Variants in DZANK1 observed in about 807,000 individuals in gnomAD.
The protein encoded by DZANK1 is double zinc ribbon and ankyrin repeat domains 1.
In DZANK1, 91 loss-of-function variants were observed where a neutral mutation model predicts 94.5. The observed-to-expected ratio is 0.96, with a 90% CI of 0.81 to 1.15. The LOEUF is 1.15. Ranked by LOEUF, DZANK1 falls within the 50% of genes most tolerant of loss-of-function variation. The pLI is 0.00. For missense variants in DZANK1, 903 were observed against 916.4 expected, an observed-to-expected ratio of 0.99 and a Z score of 0.19; for synonymous variants, 312 against 325.3, an observed-to-expected ratio of 0.96 and a Z score of 0.44.
intron 9 of DZANK1, 104 bp from the exon 10 acceptor site, chr20:18,427,263 T>A: frequency 2.7e-6 from 2 of 746,280 alleles, no homozygotes; most frequent in Non-Finnish European, 4.3e-6. Context: ...CAGGCCCTAT[T>A]ACTGCACCCA....
chr20:18,427,042 G>A (rs764140748), intron 10 of DZANK1, 25 bp downstream of exon 10: 1 of 1,538,468 alleles, frequency 6.5e-7, no homozygotes, highest in Non-Finnish European at 9.0e-7. Flanking sequence ...ACTAAATATA[G>A]GATTGGCACA....
At chr20:18,398,495 T>G in intron 14 of DZANK1, 28 bp downstream of exon 14, 1 of 1,606,086 alleles carries the variant, frequency 6.2e-7, no homozygotes, top group Non-Finnish European at 8.5e-7. Flanking sequence ...CGTGGACACT[T>G]GTGGAGTGGA....
intron 13 of DZANK1, among the ~76,000 whole-genome samples, chr20:18,400,937 T>C (rs967502859): frequency 2.6e-5 from 4 of 152,156 alleles, no homozygotes; most frequent in African/African-American, 9.7e-5. Context: ...ACAATAGATC[T>C]ATACTTCTTT....
In DZANK1 at chr20:18,387,245, C is replaced by T. The variant is rs540267066; in HGVS notation, c.2019-2155G>A. Among the ~76,000 whole-genome samples the T allele has an allele frequency of 3.3e-5, 5 of 152,268 alleles. No homozygotes were observed. In the East Asian group the frequency reaches 9.6e-4, roughly 29 times the overall value. On this transcript the variant is annotated intron_variant, in intron 19 of 20. Transcript: ENST00000262547. ...CCATATTGAGAGCAGAGGGTTCATT[C>T]TATGTATTGCATGGGGGGTTTGCTG...
chr20:18,386,400 A>C (rs989118508), intron 19 of DZANK1, among the ~76,000 whole-genome samples: 1 of 152,226 alleles, frequency 6.6e-6, no homozygotes, highest in Non-Finnish European at 1.5e-5. Flanking sequence ...CTGTAGAATC[A>C]AAGAGAAAAC....
At position 18,399,572 on chromosome 20, in the gene DZANK1, G is replaced by A. The variant is rs1033963724; in HGVS notation, c.1433-946C>T. Among the ~76,000 whole-genome samples the A allele has an allele frequency of 7.9e-5, 12 of 152,142 alleles. No individual in the cohort carries two copies. In the East Asian group the frequency reaches 1.3e-3, roughly 17 times the overall value. ...ATGTACCATTTGGGGCTTGCCAAAC[G>A]TGTACACCCCAATCAATATATAAAA... On this transcript the variant is annotated intron_variant, in intron 13 of 20. Coordinates refer to ENST00000262547, the Ensembl canonical transcript of DZANK1.
chr20:18,388,436 T>C (rs1330297513), intron 19 of DZANK1, among the ~76,000 whole-genome samples: 1 of 152,232 alleles, frequency 6.6e-6, no homozygotes, highest in African/African-American at 2.4e-5. Context: ...TTTCCTCCTC[T>C]TAGCTGGACT....
intron 4 of DZANK1, among the ~76,000 whole-genome samples, chr20:18,454,833 AAAG>A (rs2059226139): frequency 6.6e-6 from 1 of 152,362 alleles, no homozygotes; most frequent in East Asian, 1.9e-4. Context: ...GCAGTTTATA[AAAG>A]AAGGCCTGGG....
intron 8 of DZANK1, among the ~76,000 whole-genome samples, chr20:18,442,460 C>T (rs2058743657): frequency 6.6e-6 from 1 of 152,174 alleles, no homozygotes; most frequent in Non-Finnish European, 1.5e-5. Context: ...AATCGACTCC[C>T]ACCCTTATTC....
Position 18,427,015 on chromosome 20 carries a change from A to G in DZANK1, c.954+52T>C, listed in dbSNP as rs911924421. Reference sequence around the variant, plus strand: ...AGATTCTGTTTCTCTATTATCATTAACATTGACATAGTAGCCACTAAATAT... The same window carrying G: ...AGATTCTGTTTCTCTATTATCATTAGCATTGACATAGTAGCCACTAAATAT... On this transcript the variant is annotated intron_variant, in intron 10 of 20. Transcript: ENST00000262547. 1.5e-5 allele frequency: 20 copies of G among 1,336,076 alleles called. No homozygotes were observed. The African/African-American group carries it at 2.8e-4, about 18-fold the overall frequency. 82.8% of individuals were successfully genotyped at this position (1,336,076 alleles called of 1,614,324 possible). A position where few individuals can be genotyped will look rare whatever the true frequency, so the allele number is the denominator to read the frequency against.
intron 15 of DZANK1, 90 bp from the exon 16 acceptor site, chr20:18,394,440 T>C (rs897933078): frequency 1.8e-5 from 22 of 1,246,466 alleles, no homozygotes; most frequent in Non-Finnish European, 2.5e-5. Context: ...TGCTCCTCCT[T>C]ATTAAGTACA....
chr20:18,448,397 G>C (rs1389006812), intron 7 of DZANK1, among the ~76,000 whole-genome samples: 2 of 152,196 alleles, frequency 1.3e-5, no homozygotes, highest in East Asian at 3.9e-4. Flanking sequence ...TAAAAGGAAG[G>C]GGTTACCAAA....
At chr20:18,387,169 G>A (rs2048546046) in intron 19 of DZANK1, among the ~76,000 whole-genome samples, 1 of 152,056 alleles carries the variant, frequency 6.6e-6, no homozygotes, top group Non-Finnish European at 1.5e-5. Context: ...TATTCATAGG[G>A]TTGCCGCATC....
chr20:18,451,016 G>C (rs1221287454), intron 6 of DZANK1, among the ~76,000 whole-genome samples: 2 of 152,136 alleles, frequency 1.3e-5, no homozygotes, highest in African/African-American at 4.8e-5. Flanking sequence ...CACAATCTTG[G>C]CTCACTGCAA....
At chr20:18,454,313 GC>G (rs2059208311) in intron 4 of DZANK1, 2 of 321,966 alleles carry the variant, frequency 6.2e-6, no homozygotes, top group South Asian at 5.3e-5. Context: ...CCCGAAGGCG[GC>G]CCCTGCCCAG....
chr20:18,398,525 T>C, exon 14 of DZANK1: 1 of 1,613,940 alleles, frequency 6.2e-7, no homozygotes, highest in Non-Finnish European at 8.5e-7. Flanking sequence ...TCACCCACCT[T>C]TCCCATCCTG....
At chr20:18,427,831 T>C (rs1175578072) in intron 9 of DZANK1, among the ~76,000 whole-genome samples, 2 of 152,094 alleles carry the variant, frequency 1.3e-5, no homozygotes, top group East Asian at 3.9e-4. Flanking sequence ...TACTTAGAAA[T>C]AGAAGAAGTG....
intron 14 of DZANK1, among the ~76,000 whole-genome samples, chr20:18,397,643 C>A (rs1437908417): frequency 6.6e-6 from 1 of 152,180 alleles, no homozygotes; most frequent in Non-Finnish European, 1.5e-5. Context: ...TCAGAGAGGG[C>A]ATAGCAGAGA....
chr20:18,465,326 G>A (rs2059607086), exon 2 of DZANK1: 1 of 1,609,032 alleles, frequency 6.2e-7, no homozygotes, highest in Admixed American at 1.7e-5. Flanking sequence ...GTAATGGTAT[G>A]ATCTGAGGGA....
Sources: allele counts gnomAD v4.1 joint callset (sites outside exome capture counted in the v4.1 genomes callset), GRCh38; gene constraint gnomAD v4.1.1; transcripts MANE v1.5; gene names NCBI Gene and HGNC (gene_info 2026-07-23, HGNC 2026-07-21).